The following LINGO2 variants were observed in gnomAD, a reference collection of about 807,000 sequenced individuals.
LINGO2 encodes leucine-rich repeat and immunoglobulin-like domain-containing nogo receptor-interacting protein 2.
LINGO2 carries 14 observed loss-of-function variants against 30.6 expected under a neutral mutation model. The ratio of observed to expected loss-of-function variants is 0.46; its 90% CI spans 0.30 to 0.72. The LOEUF is 0.72. LINGO2 is among the 30% of genes least tolerant of loss of function. The pLI, the probability that LINGO2 is intolerant of heterozygous loss-of-function variation, is 0.07. For missense variants in LINGO2, 729 were observed against 751.7 expected (o/e 0.97, Z 0.35); for synonymous variants, 317 against 288.5 (o/e 1.10, Z -1.00).
chr9:28,199,658 C>G lies in LINGO2; in HGVS notation c.-87+95550G>C, dbSNP rs544805289. The stretch of plus-strand genomic sequence containing the variant: ...TGGCCCCTTCTTCATTTTTAGGTGG[C>G]TCAGCTTGCTTCTCATATTTTAAAC... On this transcript the variant is annotated intron_variant, in intron 4 of 5. Coordinates refer to ENST00000379992, the Ensembl canonical transcript of LINGO2. Among the ~76,000 whole-genome samples, 66 of 152,112 alleles carry G rather than the reference C, an allele frequency of 4.3e-4. 1 individual carries two copies. Among genetic ancestry groups the G allele is most frequent in the African/African-American group, 1.3e-3 (54 of 41,520 alleles).
the LINGO2 span, among the ~76,000 whole-genome samples, chr9:28,702,740 A>C: frequency 1.3e-3 from 196 of 152,010 alleles, no homozygotes; most frequent in African/African-American, 4.6e-3. Context: ...GTTTGGTAAA[A>C]TTTACCAGTG....
At chr9:28,023,227 T>G (rs1345677477) in intron 4 of LINGO2, among the ~76,000 whole-genome samples, 1 of 152,206 alleles carries the variant, frequency 6.6e-6, no homozygotes, top group Non-Finnish European at 1.5e-5. Flanking sequence ...TGTAATTTTT[T>G]GTTCAAAGTT....
chr9:27,988,197 G>A (rs1189977237), intron 5 of LINGO2, among the ~76,000 whole-genome samples: 2 of 152,022 alleles, frequency 1.3e-5, no homozygotes, highest in Non-Finnish European at 2.9e-5. Flanking sequence ...TTTTATGGCT[G>A]CATAGTATTC....
chr9:28,101,070 G>A (rs971234872), intron 4 of LINGO2, among the ~76,000 whole-genome samples: 3 of 151,834 alleles, frequency 2.0e-5, no homozygotes, highest in Non-Finnish European at 2.9e-5. Flanking sequence ...AGGGGAATAT[G>A]ATGTTGAAAT....
At chr9:28,643,771 A>G (rs1827711090) in intron 1 of LINGO2, among the ~76,000 whole-genome samples, 1 of 152,054 alleles carries the variant, frequency 6.6e-6, no homozygotes, top group Admixed American at 6.6e-5. Flanking sequence ...GAGAAGAAAC[A>G]TGCGAACTAC....
At chr9:28,251,568 C>A (rs968612877) in intron 4 of LINGO2, among the ~76,000 whole-genome samples, 5 of 152,106 alleles carry the variant, frequency 3.3e-5, no homozygotes, top group African/African-American at 1.2e-4. Flanking sequence ...GAATTTCTTT[C>A]TCTCTTTGCA....
chr9:28,786,177 T>C, the LINGO2 span, among the ~76,000 whole-genome samples: 1 of 152,218 alleles, frequency 6.6e-6, no homozygotes, highest in Non-Finnish European at 1.5e-5. Flanking sequence ...GGAGTTGTCA[T>C]ATTATCTTTT....
chr9:28,550,804 T>G (rs1051674790), intron 1 of LINGO2, among the ~76,000 whole-genome samples: 2 of 151,884 alleles, frequency 1.3e-5, no homozygotes, highest in Non-Finnish European at 2.9e-5. Flanking sequence ...TTTATAAAAT[T>G]CTTGGTTAAG....
At position 28,575,198 on chromosome 9, in the gene LINGO2, T is replaced by G. The variant is rs539101338; in HGVS notation, c.-365+95002A>C. 2.5e-3 allele frequency among the ~76,000 whole-genome samples: 378 copies of G among 151,924 alleles called. 4 individuals carry two copies. Among genetic ancestry groups the G allele is most frequent in the Non-Finnish European group, 4.3e-3 (289 of 67,932 alleles). The stretch of plus-strand genomic sequence containing the variant: ...GCAGGTGGATCATGAGGTCACGAGT[T>G]CAAGACCAGCCTGGCCAAGATGGTG... On this transcript the variant is annotated intron_variant, in intron 1 of 5. Coordinates refer to ENST00000379992, the Ensembl canonical transcript of LINGO2.
At chr9:28,643,345 T>C (rs1200118641) in intron 1 of LINGO2, among the ~76,000 whole-genome samples, 2 of 152,058 alleles carry the variant, frequency 1.3e-5, no homozygotes, top group African/African-American at 4.8e-5. Context: ...AACAGACACA[T>C]AGACCAACGG....
chr9:28,332,168 C>A (rs1409749136), intron 3 of LINGO2, among the ~76,000 whole-genome samples: 1 of 151,954 alleles, frequency 6.6e-6, no homozygotes, highest in Non-Finnish European at 1.5e-5. Flanking sequence ...AATTTAGGCA[C>A]CTTTCAATCT....
At chr9:29,041,031 A>G in the LINGO2 span, among the ~76,000 whole-genome samples, 1 of 152,004 alleles carries the variant, frequency 6.6e-6, no homozygotes, top group African/African-American at 2.4e-5. Context: ...CATATTTTCT[A>G]TTGTGCACTC....
chr9:29,199,445 A>G, the LINGO2 span, among the ~76,000 whole-genome samples: 1 of 152,056 alleles, frequency 6.6e-6, no homozygotes, highest in African/African-American at 2.4e-5. Context: ...AAGTTTATCC[A>G]GGGTTACATT....
At chr9:29,169,542 C>G in the LINGO2 span, among the ~76,000 whole-genome samples, 1 of 152,070 alleles carries the variant, frequency 6.6e-6, no homozygotes, top group Non-Finnish European at 1.5e-5. Context: ...CTTAATATCA[C>G]TAATCATCAG....
chr9:29,213,504 A>G, the LINGO2 span, among the ~76,000 whole-genome samples: 1 of 152,042 alleles, frequency 6.6e-6, no homozygotes, highest in Non-Finnish European at 1.5e-5. Flanking sequence ...CGGCGGCGCC[A>G]GGTGAGGAGG....
At chr9:28,156,681 G>A (rs1828140224) in intron 4 of LINGO2, among the ~76,000 whole-genome samples, 1 of 152,214 alleles carries the variant, frequency 6.6e-6, no homozygotes, top group Admixed American at 6.5e-5. Flanking sequence ...CTATGAGCCT[G>A]TAAAATCAAA....
chr9:28,610,283 T>C (rs1400390851), intron 1 of LINGO2, among the ~76,000 whole-genome samples: 2 of 152,214 alleles, frequency 1.3e-5, no homozygotes, highest in Admixed American at 6.6e-5. Context: ...AAAATTGTTT[T>C]TATCAGATTA....
chr9:28,735,618 A>G, the LINGO2 span, among the ~76,000 whole-genome samples: 1 of 152,274 alleles, frequency 6.6e-6, no homozygotes, highest in East Asian at 1.9e-4. Flanking sequence ...CATTTTTCCT[A>G]ATAGTAAACA....
At chr9:29,137,641 A>C in the LINGO2 span, among the ~76,000 whole-genome samples, 1 of 152,170 alleles carries the variant, frequency 6.6e-6, no homozygotes, top group East Asian at 1.9e-4. Flanking sequence ...AAAAGACTTA[A>C]GGGCATGGGC....
Sources: allele counts gnomAD v4.1 joint callset (sites outside exome capture counted in the v4.1 genomes callset), GRCh38; gene constraint gnomAD v4.1.1; transcripts MANE v1.5; gene names NCBI Gene and HGNC (gene_info 2026-07-23, HGNC 2026-07-21).